CREBBP: variants seen among roughly 807,000 people sequenced by gnomAD.
The protein encoded by CREBBP is CREB binding lysine acetyltransferase.
Under a neutral mutation model 265.0 loss-of-function variants are expected in CREBBP, and 19 were observed. The observed-to-expected ratio is 0.07, with a 90% CI of 0.05 to 0.11. CREBBP has a LOEUF of 0.11. Ranked by LOEUF, CREBBP falls within the 10% of genes least tolerant of loss-of-function variation. CREBBP has a pLI of 1.00. For synonymous variants in CREBBP, 1,457 were observed against 1,223.7 expected (o/e 1.19, Z -3.98); for missense variants, 2,525 against 3,219.0 (o/e 0.78, Z 5.22).
intron 3 of CREBBP, among the ~76,000 whole-genome samples, chr16:3,804,399 T>C (rs1413786747): frequency 6.6e-6 from 1 of 152,126 alleles, no homozygotes; most frequent in Admixed American, 6.5e-5. Context: ...CTTGGCAAAT[T>C]AGTTACTGGA....
intron 5 of CREBBP, among the ~76,000 whole-genome samples, chr16:3,785,410 C>T (rs2053362726): frequency 6.6e-6 from 1 of 152,198 alleles, no homozygotes; most frequent in African/African-American, 2.4e-5. Context: ...CTAATAATCA[C>T]CTAATGCACC....
intron 21 of CREBBP, chr16:3,745,719 C>T (rs1447561148): frequency 8.1e-6 from 3 of 370,206 alleles, no homozygotes; most frequent in African/African-American, 6.2e-5. Context: ...GGTGATTTCA[C>T]ATGCCAAAAC....
intron 26 of CREBBP, among the ~76,000 whole-genome samples, chr16:3,737,531 C>A (rs771721566): frequency 6.6e-6 from 1 of 151,236 alleles, no homozygotes; most frequent in Non-Finnish European, 1.5e-5. Flanking sequence ...ATGATCTCGA[C>A]TCAGCGCATC....
intron 3 of CREBBP, among the ~76,000 whole-genome samples, chr16:3,797,106 C>T (rs914564800): frequency 9.9e-5 from 15 of 152,202 alleles, no homozygotes; most frequent in African/African-American, 3.6e-4. Flanking sequence ...CCCAACCTCC[C>T]TGCCCAGTTC....
intron 2 of CREBBP, among the ~76,000 whole-genome samples, chr16:3,832,765 C>T (rs1567347277): frequency 6.6e-6 from 1 of 152,066 alleles, no homozygotes; most frequent in Admixed American, 6.5e-5. Context: ...AAGCATAAAT[C>T]CTGAACAATA....
chr16:3,869,848 T>C (rs977551729), intron 1 of CREBBP, among the ~76,000 whole-genome samples: 1 of 152,160 alleles, frequency 6.6e-6, no homozygotes, highest in Non-Finnish European at 1.5e-5. Context: ...AAAGTTTCAG[T>C]GACTGAGAAA....
chr16:3,728,504 G>A lies in CREBBP; in HGVS notation c.6543C>T (p.Asn2181=). The A allele has an allele frequency of 6.2e-7, 1 of 1,614,068 alleles. No individual in the cohort carries two copies. The highest frequency in any genetic ancestry group is 1.3e-5 in the African/African-American group (1 of 75,054). ...LNIMNPGHNP[N]MASMNPQYRE... ...GGTACTGTGGATTCATACTCGCCAT[G>A]TTGGGGTTGTGTCCTGGGTTCATGA... The change falls in exon 31 of 31, where the codon AAC becomes AAT. Residue 2181 remains asparagine, a synonymous_variant. Transcript: ENST00000262367. The surrounding 1 kb of genome is among the most constrained non-coding windows in gnomAD (Gnocchi z 8.7).
chr16:3,766,727 A>G (rs1454979641), intron 16 of CREBBP, among the ~76,000 whole-genome samples: 1 of 152,042 alleles, frequency 6.6e-6, no homozygotes, highest in African/African-American at 2.4e-5. Context: ...GAGCCTTGCT[A>G]TGTTGCTCAG....
At chr16:3,733,570 T>C (rs1185597304) in intron 28 of CREBBP, among the ~76,000 whole-genome samples, 1 of 152,098 alleles carries the variant, frequency 6.6e-6, no homozygotes, top group Non-Finnish European at 1.5e-5. Context: ...GGTAAGACAT[T>C]AGTAACAGGA....
intron 5 of CREBBP, among the ~76,000 whole-genome samples, chr16:3,790,903 C>G (rs139509221): frequency 6.6e-6 from 1 of 152,304 alleles, no homozygotes; most frequent in East Asian, 1.9e-4. Context: ...CTTTTTCCAT[C>G]TTTCCCTGGG....
rs747937099 is a variant in CREBBP, at chr16:3,731,481, A to G, written c.4891-8T>C. 6.3e-7 allele frequency: 1 copy of G among 1,577,508 alleles called. No homozygotes were observed. The highest frequency in any genetic ancestry group is 8.6e-7 in the Non-Finnish European group (1 of 1,163,808). On this transcript the variant is annotated splice_polypyrimidine_tract_variant and splice_region_variant and intron_variant, in intron 29 of 30. Coordinates refer to ENST00000262367, the MANE Select transcript of CREBBP (RefSeq NM_004380.3). The surrounding 1 kb of genome is among the most constrained non-coding windows in gnomAD (Gnocchi z 7.7). The stretch of plus-strand genomic sequence containing the variant: ...GTGGATCACGAAGAAGACCTGCAGG[A>G]GAGGAGGGGCTTTAGTCCCACACAA...
At chr16:3,801,026 G>A (rs563900780) in intron 3 of CREBBP, among the ~76,000 whole-genome samples, 2 of 152,280 alleles carry the variant, frequency 1.3e-5, no homozygotes, top group African/African-American at 4.8e-5. Context: ...CAGGGTCCAA[G>A]GTACAGCAGT....
chr16:3,876,735 G>C (rs543546421), intron 1 of CREBBP, among the ~76,000 whole-genome samples: 1 of 152,166 alleles, frequency 6.6e-6, no homozygotes, highest in South Asian at 2.1e-4. Flanking sequence ...TGCTGCTTCA[G>C]TGGGGTGAAA....
intron 1 of CREBBP, among the ~76,000 whole-genome samples, chr16:3,872,972 A>C (rs1224910821): frequency 2.6e-5 from 4 of 152,246 alleles, no homozygotes; most frequent in African/African-American, 9.6e-5. Flanking sequence ...GGGAGGGAGT[A>C]AATGAAGCCT....
At chr16:3,820,707 A>G (rs1343050546) in intron 2 of CREBBP, among the ~76,000 whole-genome samples, 1 of 152,202 alleles carries the variant, frequency 6.6e-6, no homozygotes, top group Non-Finnish European at 1.5e-5. Context: ...TCTACAAAAA[A>G]TAATTAGCCA....
intron 1 of CREBBP, among the ~76,000 whole-genome samples, chr16:3,873,840 T>G (rs1237077682): frequency 6.6e-6 from 1 of 152,198 alleles, no homozygotes; most frequent in Non-Finnish European, 1.5e-5. Flanking sequence ...GGTGGCAATC[T>G]GCTTGAAAGT....
chr16:3,812,153 C>A (rs968157139), intron 2 of CREBBP, among the ~76,000 whole-genome samples: 1 of 152,000 alleles, frequency 6.6e-6, no homozygotes, highest in African/African-American at 2.4e-5. Flanking sequence ...AGTATCCTCT[C>A]TACCACTGTA....
chr16:3,847,154 T>A (rs2054684719), intron 2 of CREBBP, among the ~76,000 whole-genome samples: 1 of 152,144 alleles, frequency 6.6e-6, no homozygotes, highest in South Asian at 2.1e-4. Flanking sequence ...AAAAAAAATC[T>A]CTGTGCAGTG....
intron 1 of CREBBP, 22 bp downstream of exon 1, chr16:3,879,810 C>T: frequency 6.4e-7 from 1 of 1,567,736 alleles, no homozygotes; most frequent in Non-Finnish European, 8.7e-7. Flanking sequence ...CGGGCCCCCG[C>T]CGCCCCGGAC....
Sources: allele counts gnomAD v4.1 joint callset (sites outside exome capture counted in the v4.1 genomes callset), GRCh38; gene constraint gnomAD v4.1.1; non-coding constraint Gnocchi (gnomAD v3.1); transcripts MANE v1.5; gene names NCBI Gene and HGNC (gene_info 2026-07-23, HGNC 2026-07-21).